The following TCERG1L variants were observed in gnomAD, a reference collection of about 807,000 sequenced individuals.
TCERG1L encodes transcription elongation regulator 1-like protein.
Under a neutral mutation model 56.3 loss-of-function variants are expected in TCERG1L, and 37 were observed. That is an observed-to-expected ratio of 0.66 (90% CI 0.51 to 0.87). The LOEUF (loss-of-function observed/expected upper bound fraction) is 0.87. TCERG1L is among the 40% of genes least tolerant of loss of function. The pLI is 0.00. For synonymous variants in TCERG1L, 324 were observed against 326.3 expected, an observed-to-expected ratio of 0.99 and a Z score of 0.08; for missense variants, 799 against 774.2, an observed-to-expected ratio of 1.03 and a Z score of -0.38.
rs142872082 is a variant in TCERG1L, at chr10:131,288,218, C to T, written c.670+19993G>A. Among the ~76,000 whole-genome samples, 23 of 152,262 alleles carry T rather than the reference C, an allele frequency of 1.5e-4. No homozygotes were observed. The East Asian group carries it at 4.1e-3, about 27-fold the overall frequency. On this transcript the variant is annotated intron_variant, in intron 3 of 11. Transcript: ENST00000368642. Reference sequence around the variant, plus strand: ...TAACACAAAAGAAGTGTTTCTCCCCCCAACTCTCTAAGGAAAAGTGCAGAT... The same window carrying T: ...TAACACAAAAGAAGTGTTTCTCCCCTCAACTCTCTAAGGAAAAGTGCAGAT...
At chr10:131,137,281 C>T (rs146100067) in intron 7 of TCERG1L, among the ~76,000 whole-genome samples, 93 of 152,324 alleles carry the variant, frequency 6.1e-4, no homozygotes, top group African/African-American at 2.0e-3. Context: ...CCCGCTGGGG[C>T]GCTGGGTCCC....
chr10:131,101,881 T>C (rs1845307448), intron 10 of TCERG1L, among the ~76,000 whole-genome samples: 1 of 151,840 alleles, frequency 6.6e-6, no homozygotes, highest in Admixed American at 6.6e-5. Context: ...TTGGCATTTT[T>C]AGTAAAGACA....
chr10:131,292,384 G>C (rs1277684009), intron 3 of TCERG1L, among the ~76,000 whole-genome samples: 2 of 152,150 alleles, frequency 1.3e-5, no homozygotes, highest in Non-Finnish European at 2.9e-5. Flanking sequence ...TGATGCTGTT[G>C]ATGAAATGTA....
intron 4 of TCERG1L, among the ~76,000 whole-genome samples, chr10:131,200,174 G>A (rs1439377011): frequency 6.6e-6 from 1 of 152,212 alleles, no homozygotes; most frequent in Non-Finnish European, 1.5e-5. Flanking sequence ...TTCTAAAGCT[G>A]CATTCACATG....
chr10:131,136,854 G>A (rs1025504639), intron 7 of TCERG1L, among the ~76,000 whole-genome samples: 1 of 151,832 alleles, frequency 6.6e-6, no homozygotes, highest in African/African-American at 2.4e-5. Flanking sequence ...TCAAACTGAG[G>A]GCACTGGGCA....
chr10:131,156,691 AG>A (rs974501200), intron 6 of TCERG1L, among the ~76,000 whole-genome samples: 1 of 152,164 alleles, frequency 6.6e-6, no homozygotes, highest in African/African-American at 2.4e-5. Flanking sequence ...TGTATAGAAA[AG>A]CACTGTGAAA....
At position 131,146,612 on chromosome 10, in the gene TCERG1L, C is replaced by G; in HGVS notation, c.1083G>C (p.Thr361=). The change falls in exon 7 of 12, where the codon ACG becomes ACC. Residue 361 remains threonine (T), a synonymous_variant. Coordinates refer to ENST00000368642, the MANE Select transcript of TCERG1L (RefSeq NM_174937.4). The part of the protein sequence containing the change: ...GDDRVFFFNP[T]MHLSVWEKPM... ...GCTTCTCCCAGACAGACAGGTGCAT[C>G]GTTGGGTTGAAGAAGAAAACTCGGT... 1.2e-6 allele frequency: 2 copies of G among 1,613,744 alleles called. No homozygotes were observed. Among genetic ancestry groups the G allele is most frequent in the Non-Finnish European group, 1.7e-6 (2 of 1,179,780 alleles).
At chr10:131,310,453 AAATGGTGTATTCT>A (rs1846874462) in intron 1 of TCERG1L, among the ~76,000 whole-genome samples, 1 of 152,252 alleles carries the variant, frequency 6.6e-6, no homozygotes, top group Non-Finnish European at 1.5e-5. Context: ...TAAATTAATC[AAATGGTGTATTCT>A]AACATAACAC....
chr10:131,146,518 C>T lies in TCERG1L; in HGVS notation c.1177G>A (p.Glu393Lys). Residue 393 changes from glutamate to lysine, a missense_variant, in exon 7 of 12, where the codon GAG becomes AAG. Physicochemically the swap from Glu to Lys is moderately conservative, Grantham distance 56 (BLOSUM62 1). Coordinates refer to ENST00000368642, the MANE Select transcript of TCERG1L (RefSeq NM_174937.4). ...IEDPPHKRKL[E>K]APATDNSDGS... ...AGGGCTTAGTTACTTGCTGGTGCCT[C>T]CAGCTTGCGTTTGTGGGGCGGGTCC... is the stretch of plus-strand genomic sequence containing the variant. 1 of 1,610,310 alleles carries T rather than the reference C, an allele frequency of 6.2e-7. No individual in the cohort carries two copies.
At chr10:131,279,095 C>T (rs1053570751) in intron 3 of TCERG1L, among the ~76,000 whole-genome samples, 1 of 152,192 alleles carries the variant, frequency 6.6e-6, no homozygotes, top group Non-Finnish European at 1.5e-5. Flanking sequence ...CTCACAGCTG[C>T]GTGTGCCCCT....
At chr10:131,165,801 T>C (rs1846024524) in intron 5 of TCERG1L, among the ~76,000 whole-genome samples, 1 of 152,228 alleles carries the variant, frequency 6.6e-6, no homozygotes, top group Non-Finnish European at 1.5e-5. Context: ...CTCCACGAGA[T>C]GCATGCTGGT....
chr10:131,308,279 G>T lies in TCERG1L; in HGVS notation c.602C>A (p.Ser201Tyr). The change falls in exon 3 of 12, where the codon TCT becomes TAT. Residue 201 changes from serine (S) to tyrosine (Y), a missense_variant. Physicochemically the swap from Ser to Tyr is moderately radical, Grantham distance 144. Transcript: ENST00000368642. ...GGAGGCAGGAGCCGGCCTGGACAGA[G>T]ACACAGCTACTTGATTTGCCAGCAA... is the stretch of plus-strand genomic sequence containing the variant. ...PRLLANQVAV[S>Y]LSRPAPASRP... The T allele has an allele frequency of 1.2e-6, 2 of 1,614,004 alleles. No homozygotes were observed. Among genetic ancestry groups the T allele is most frequent in the Non-Finnish European group, 1.7e-6 (2 of 1,179,892 alleles).
At chr10:131,166,933 T>C (rs1308081290) in intron 4 of TCERG1L, 48 bp from the exon 5 acceptor site, 7 of 1,556,046 alleles carry the variant, frequency 4.5e-6, no homozygotes, top group Non-Finnish European at 6.1e-6. Flanking sequence ...GTCACAGTAG[T>C]TTGGAAAACC....
rs751844942 is a variant in TCERG1L, at chr10:131,260,377, A to AGCGGCG, written c.732_737dup (p.Ala246_Ala247dup). 10 of 1,496,594 alleles carry AGCGGCG rather than the reference A, an allele frequency of 6.7e-6. No homozygotes were observed. Among genetic ancestry groups the AGCGGCG allele is most frequent in the African/African-American group, 4.4e-5 (3 of 67,852 alleles). 92.7% of individuals were successfully genotyped at this position (1,496,594 alleles called of 1,614,324 possible). Reference sequence around the variant, plus strand: ...TCTCAGGGTCCACGGAGACCATGGCAGCGGCGGCGGCGGTGGCGATGGCAA... The same window carrying AGCGGCG: ...TCTCAGGGTCCACGGAGACCATGGCAGCGGCGGCGGCGGCGGCGGTGGCGATGGCAA... On this transcript the variant is annotated inframe_insertion, in exon 4 of 12. Coordinates refer to ENST00000368642, the MANE Select transcript of TCERG1L (RefSeq NM_174937.4). This position sits in a 1 kb window ranked among gnomAD's most constrained non-coding sequence, Gnocchi z 5.8.
chr10:131,288,395 T>C (rs144752225), intron 3 of TCERG1L, among the ~76,000 whole-genome samples: 17 of 152,216 alleles, frequency 1.1e-4, no homozygotes, highest in African/African-American at 3.6e-4. Flanking sequence ...CATTTTACTC[T>C]CCCACCCTCA....
In TCERG1L at chr10:131,093,221, T is replaced by A; in HGVS notation, c.1702A>T (p.Ile568Leu). 6.2e-7 allele frequency: 1 copy of A among 1,613,978 alleles called. No individual in the cohort carries two copies. Among genetic ancestry groups the A allele is most frequent in the African/African-American group, 1.3e-5 (1 of 75,052 alleles). Reference protein sequence around the residue: ...KDQEHFFNQFILILKKRDKEN... With the variant: ...KDQEHFFNQFLLILKKRDKEN... ...TTGTCCCGTTTCTTAAGAATAAGTA[T>A]GAATTGGTTGAAAAAATGCTCCTGG... is the stretch of plus-strand genomic sequence containing the variant. Residue 568 changes from isoleucine to leucine, a missense_variant, in exon 12 of 12, where the codon ATA becomes TTA. Transcript: ENST00000368642.
chr10:131,152,195 T>C lies in TCERG1L; in HGVS notation c.1035-5535A>G, dbSNP rs369726277. Among the ~76,000 whole-genome samples the C allele has an allele frequency of 1.2e-4, 18 of 152,334 alleles. No homozygotes were observed. The South Asian group carries it at 3.5e-3, about 30-fold the overall frequency. ...TTTTCCCCAGAAAATGGGTTTTTCTTTTCTATCGCGTGGTCAAGCTACAAA... is the reference window on the plus strand; with the variant it reads ...TTTTCCCCAGAAAATGGGTTTTTCTCTTCTATCGCGTGGTCAAGCTACAAA... On this transcript the variant is annotated intron_variant, in intron 6 of 11. Coordinates refer to ENST00000368642, the MANE Select transcript of TCERG1L (RefSeq NM_174937.4).
intron 4 of TCERG1L, among the ~76,000 whole-genome samples, chr10:131,253,737 G>A (rs1374743018): frequency 6.6e-6 from 1 of 152,130 alleles, no homozygotes; most frequent in Non-Finnish European, 1.5e-5. Flanking sequence ...GAGCATCGTT[G>A]AAGAGGGTCC....
At chr10:131,194,004 G>A (rs1275519605) in intron 4 of TCERG1L, among the ~76,000 whole-genome samples, 2 of 152,224 alleles carry the variant, frequency 1.3e-5, no homozygotes, top group Non-Finnish European at 2.9e-5. Context: ...TTGAGATTCT[G>A]ATAATGTTGC....
Sources: allele counts gnomAD v4.1 joint callset (sites outside exome capture counted in the v4.1 genomes callset), GRCh38; gene constraint gnomAD v4.1.1; non-coding constraint Gnocchi (gnomAD v3.1); transcripts MANE v1.5; gene names NCBI Gene and HGNC (gene_info 2026-07-23, HGNC 2026-07-21).